KRT39: variants seen among roughly 807,000 people sequenced by gnomAD.
The protein encoded by KRT39 is keratin 39.
KRT39 carries 47 observed loss-of-function variants against 54.8 expected under a neutral mutation model. The ratio of observed to expected loss-of-function variants is 0.86; its 90% CI spans 0.68 to 1.09. The LOEUF (loss-of-function observed/expected upper bound fraction) is 1.09, where lower values mean the gene tolerates loss of function less well. Among genes scored for constraint, KRT39 ranks in the 50% least tolerant of loss-of-function variants. The pLI is 0.00. For missense variants in KRT39, 580 were observed against 598.5 expected (o/e 0.97, Z 0.32); for synonymous variants, 207 against 227.9 (o/e 0.91, Z 0.83).
At chr17:40,962,064 T>G in intron 5 of KRT39, 98 bp downstream of exon 5, 2 of 1,455,664 alleles carry the variant, frequency 1.4e-6, no homozygotes, top group Non-Finnish European at 1.9e-6. Context: ...TGAGGAACTA[T>G]TGTTCTGAAA....
chr17:40,964,833 C>T (rs9675009), intron 1 of KRT39, among the ~76,000 whole-genome samples: 37,924 of 151,912 alleles, frequency 0.25, 6,436 homozygotes, highest in African/African-American at 0.49. Context: ...GAGGCTGAGG[C>T]GGGCGGATCA....
intron 5 of KRT39, among the ~76,000 whole-genome samples, chr17:40,961,428 C>T (rs933883359): frequency 5.9e-5 from 9 of 152,166 alleles, no homozygotes; most frequent in African/African-American, 2.2e-4. Context: ...TCCAAGGTCA[C>T]ATGACTAGCT....
At chr17:40,965,344 C>A (rs1223832748) in intron 1 of KRT39, among the ~76,000 whole-genome samples, 1 of 151,916 alleles carries the variant, frequency 6.6e-6, no homozygotes, top group Admixed American at 6.6e-5. Context: ...CCATTGCACT[C>A]CAGCCTGGTG....
In KRT39 at chr17:40,965,528, A is replaced by G. The variant is rs142357483; in HGVS notation, c.468+861T>C. Among the ~76,000 whole-genome samples, 130 of 152,362 alleles carry G rather than the reference A, an allele frequency of 8.5e-4. 3 individuals carry two copies. The highest frequency in any genetic ancestry group is 3.1e-3 in the African/African-American group (127 of 41,584). ...AGAATCTAGAACAATGTTTGGCCCAATGTTGTTGCTGCTCAGTAAACATTT... is the reference window on the plus strand; with the variant it reads ...AGAATCTAGAACAATGTTTGGCCCAGTGTTGTTGCTGCTCAGTAAACATTT... On this transcript the variant is annotated intron_variant, in intron 1 of 6. Coordinates refer to ENST00000355612, the MANE Select transcript of KRT39 (RefSeq NM_213656.4).
chr17:40,959,200 G>A (rs566943633), intron 6 of KRT39, among the ~76,000 whole-genome samples: 12 of 152,122 alleles, frequency 7.9e-5, no homozygotes, highest in African/African-American at 2.7e-4. Context: ...GTCATTTAAC[G>A]CACTCAACCT....
chr17:40,963,676 A>T lies in KRT39; in HGVS notation c.659T>A (p.Val220Asp), dbSNP rs962874435. 6.2e-7 allele frequency: 1 copy of T among 1,611,366 alleles called. No homozygotes were observed. The highest frequency in any genetic ancestry group is 8.5e-7 in the Non-Finnish European group (1 of 1,177,924). The change falls in exon 3 of 7, where the codon GTC becomes GAC. Residue 220 changes from valine to aspartate, a missense_variant. By Grantham distance (152) the Val-to-Asp change is radical (BLOSUM62 -3). Transcript: ENST00000355612. ...AAGGAGCTCCTCTTTCAGAGACTGG[A>T]CTTGTGCCTCTAGGTCGGCCTTGCC... The part of the protein sequence containing the change: ...TLGKADLEAQ[V>D]QSLKEELLCL...
chr17:40,963,546 C>A (rs999857423), intron 3 of KRT39, 81 bp downstream of exon 3: 6 of 1,361,768 alleles, frequency 4.4e-6, no homozygotes, highest in South Asian at 1.5e-5. Flanking sequence ...GCGGGCACAC[C>A]CTTTGTCAGG....
rs373871458 is a variant in KRT39, at chr17:40,966,870, C to T, written c.-14G>A. ...CTTGGTGTCCATAGTATGTGTCTGG[C>T]TTTAGTTTGTTCCAGGTCTGTGGTC... On this transcript the variant is annotated 5_prime_UTR_variant, in exon 1 of 7. Coordinates refer to ENST00000355612, the MANE Select transcript of KRT39 (RefSeq NM_213656.4). 3.7e-4 allele frequency: 576 copies of T among 1,555,524 alleles called. No homozygotes were observed. Among genetic ancestry groups the T allele is most frequent in the Middle Eastern group, 2.2e-3 (13 of 5,974 alleles).
At chr17:40,964,376 T>C (rs1911275454) in intron 2 of KRT39, 70 bp downstream of exon 2, 7 of 1,343,188 alleles carry the variant, frequency 5.2e-6, no homozygotes, top group Non-Finnish European at 7.5e-6. Context: ...ATGGGGACAA[T>C]TTTGTTGAGG....
At chr17:40,965,974 T>C (rs1238388239) in intron 1 of KRT39, among the ~76,000 whole-genome samples, 2 of 152,120 alleles carry the variant, frequency 1.3e-5, no homozygotes, top group Non-Finnish European at 2.9e-5. Flanking sequence ...CCTCAACCTC[T>C]TGGGCTCAAG....
rs1439326634 is a variant in KRT39, at chr17:40,963,794, CA to C, written c.552-12del. On this transcript the variant is annotated splice_polypyrimidine_tract_variant and intron_variant, in intron 2 of 6. Coordinates refer to ENST00000355612, the MANE Select transcript of KRT39 (RefSeq NM_213656.4). ...ACCTCAGCTTCGTATCTTTAAAAAC[CA>C]GATGGGAAAAGAGAGACATCTGAAA... is the stretch of plus-strand genomic sequence containing the variant. 1.3e-6 allele frequency: 2 copies of C among 1,566,484 alleles called. No homozygotes were observed. Among genetic ancestry groups the C allele is most frequent in the African/African-American group, 2.7e-5 (2 of 74,080 alleles).
intron 3 of KRT39, among the ~76,000 whole-genome samples, chr17:40,963,274 G>T (rs1388164730): frequency 6.6e-6 from 1 of 152,116 alleles, no homozygotes; most frequent in Admixed American, 6.5e-5. Flanking sequence ...GGATCATGGG[G>T]GTGGTGTCCC....
rs111977451 is a variant in KRT39, at chr17:40,960,261, G to A, written c.1217+20C>T. The A allele has an allele frequency of 4.3e-3, 6,941 of 1,598,632 alleles. 23 individuals are homozygous for A. Among genetic ancestry groups the A allele is most frequent in the South Asian group, 4.6e-3 (420 of 90,842 alleles). ...TCATTTACACTTTTTTGTCATAGAA[G>A]TTGCTGTTATTTTACATACTTGCCA... On this transcript the variant is annotated intron_variant, in intron 6 of 6. Coordinates refer to ENST00000355612, the MANE Select transcript of KRT39 (RefSeq NM_213656.4).
At position 40,962,384 on chromosome 17, in the gene KRT39, C is replaced by T. The variant is rs1290151618; in HGVS notation, c.870+18G>A. The T allele has an allele frequency of 7.4e-6, 12 of 1,612,926 alleles. No individual in the cohort carries two copies. Among genetic ancestry groups the T allele is most frequent in the Non-Finnish European group, 9.3e-6 (11 of 1,179,352 alleles). On this transcript the variant is annotated intron_variant, in intron 4 of 6. Transcript: ENST00000355612. ...TGCAGCATCAGCTTATTGTTTTTGA[C>T]TTTTCTATATCCCCCACCTGCGTGT...
At chr17:40,963,500 A>G in intron 3 of KRT39, 127 bp downstream of exon 3, 1 of 799,990 alleles carries the variant, frequency 1.3e-6, no homozygotes, top group Admixed American at 2.5e-5. Flanking sequence ...ACTCTCAGTT[A>G]TTTCTTTATA....
In KRT39 at chr17:40,966,685, C is replaced by A; in HGVS notation, c.172G>T (p.Gly58Cys). 1 of 1,614,116 alleles carries A rather than the reference C, an allele frequency of 6.2e-7. No homozygotes were observed. The highest frequency in any genetic ancestry group is 2.2e-5 in the East Asian group (1 of 44,884). The change falls in exon 1 of 7, where the codon GGC (glycine) becomes TGC (cysteine). Residue 58 changes from glycine to cysteine, a missense_variant. Physicochemically the swap from Gly to Cys is radical, Grantham distance 159. Coordinates refer to ENST00000355612, the MANE Select transcript of KRT39 (RefSeq NM_213656.4). ...GHVLRIPWDQ[G>C]CQPTPRFCRK... Reference sequence around the variant, plus strand: ...CAAAAGCGAGGAGTGGGTTGGCAGCCCTGGTCCCAGGGAATTCTGAGAACG... The same window carrying A: ...CAAAAGCGAGGAGTGGGTTGGCAGCACTGGTCCCAGGGAATTCTGAGAACG...
chr17:40,964,577 C>T (rs1911288855), intron 1 of KRT39, 49 bp from the exon 2 acceptor site: 9 of 1,327,246 alleles, frequency 6.8e-6, no homozygotes, highest in South Asian at 2.3e-5. Context: ...CCAAGATTTC[C>T]TTCTTTAAGA....
In KRT39 at chr17:40,958,843, G is replaced by A. The variant is rs142466291; in HGVS notation, c.1234C>T (p.Arg412Cys). ...SSDGKRPCYP[R>C]ATKCEPSPWT... ...GGGGAAGGCTCACATTTGGTGGCAC[G>A]TGGGTAACAGGGACGCCTAAGGAAA... Residue 412 changes from arginine to cysteine, a missense_variant, in exon 7 of 7, where the codon CGT becomes TGT. Physicochemically the swap from Arg to Cys is radical, Grantham distance 180. Transcript: ENST00000355612. 733 of 1,598,314 alleles carry A rather than the reference G, an allele frequency of 4.6e-4. No homozygotes were observed. Among genetic ancestry groups the A allele is most frequent in the Non-Finnish European group, 5.6e-4 (661 of 1,171,472 alleles).
rs1911204631 is a variant in KRT39, at chr17:40,962,654, T to C, written c.709-91A>G. On this transcript the variant is annotated intron_variant, in intron 3 of 6. Coordinates refer to ENST00000355612, the MANE Select transcript of KRT39 (RefSeq NM_213656.4). ...CTCTAACTGCTACGATTTAGCTTAA[T>C]TGTGTCTAAAATATAGCCCACAACA... 12 of 1,113,600 alleles carry C rather than the reference T, an allele frequency of 1.1e-5. No homozygotes were observed. The East Asian group carries it at 2.6e-4, about 24-fold the overall frequency. The allele number at this position is 1,113,600 out of a possible 1,614,324, so 69.0% of individuals were successfully genotyped here.
Sources: allele counts gnomAD v4.1 joint callset (sites outside exome capture counted in the v4.1 genomes callset), GRCh38; gene constraint gnomAD v4.1.1; transcripts MANE v1.5; gene names NCBI Gene and HGNC (gene_info 2026-07-23, HGNC 2026-07-21).